Variants in PTPRD observed in about 807,000 individuals in gnomAD.
The protein encoded by PTPRD is receptor-type tyrosine-protein phosphatase delta.
PTPRD carries 34 observed loss-of-function variants against 214.5 expected under a neutral mutation model. The ratio of observed to expected loss-of-function variants is 0.16; its 90% CI spans 0.12 to 0.21. The LOEUF (loss-of-function observed/expected upper bound fraction) is 0.21. Among genes scored for constraint, PTPRD ranks in the 10% least tolerant of loss-of-function variants. The pLI is 1.00. For missense variants in PTPRD, 2,545 were observed against 2,398.7 expected, an observed-to-expected ratio of 1.06 and a Z score of -1.27; for synonymous variants, 1,128 against 845.7, an observed-to-expected ratio of 1.33 and a Z score of -5.79.
chr9:10,197,838 G>C (rs1169482281), intron 3 of PTPRD, among the ~76,000 whole-genome samples: 1 of 152,064 alleles, frequency 6.6e-6, no homozygotes, highest in African/African-American at 2.4e-5. Flanking sequence ...AGAGAAGTAA[G>C]TAGAGCAAGA....
At chr9:9,775,100 C>T (rs867417437) in intron 5 of PTPRD, among the ~76,000 whole-genome samples, 4 of 152,142 alleles carry the variant, frequency 2.6e-5, no homozygotes, top group Non-Finnish European at 4.4e-5. Context: ...GTCGAATGCT[C>T]CATTATCATC....
At chr9:9,015,920 T>G (rs1349158033) in intron 11 of PTPRD, among the ~76,000 whole-genome samples, 1 of 152,100 alleles carries the variant, frequency 6.6e-6, no homozygotes, top group African/African-American at 2.4e-5. Flanking sequence ...AGGTGAGGAA[T>G]GCCAATAAGT....
At chr9:9,829,251 T>G (rs555836713) in intron 5 of PTPRD, among the ~76,000 whole-genome samples, 2 of 152,002 alleles carry the variant, frequency 1.3e-5, no homozygotes, top group South Asian at 4.1e-4. Flanking sequence ...TACAGTGATG[T>G]TCGTCTTCTG....
At chr9:10,103,395 T>TATATATATATATATA (rs34926923) in intron 3 of PTPRD, among the ~76,000 whole-genome samples, 1,298 of 116,572 alleles carry the variant, frequency 0.011, 102 homozygotes, top group African/African-American at 0.03. Flanking sequence ...ATATATATAT[T>TATATATATATATATA]TATTTAAGAG....
At chr9:8,367,158 G>C (rs1035993428) in intron 39 of PTPRD, among the ~76,000 whole-genome samples, 1 of 152,116 alleles carries the variant, frequency 6.6e-6, no homozygotes, top group African/African-American at 2.4e-5. Context: ...GCTTTAAAAG[G>C]TTATAATTAA....
At chr9:9,078,858 T>C (rs1171245731) in intron 10 of PTPRD, among the ~76,000 whole-genome samples, 2 of 152,058 alleles carry the variant, frequency 1.3e-5, no homozygotes, top group Admixed American at 6.6e-5. Flanking sequence ...TAACTGTACA[T>C]ATTTATAAAG....
chr9:9,519,872 C>T (rs1278504170), intron 8 of PTPRD, among the ~76,000 whole-genome samples: 1 of 151,968 alleles, frequency 6.6e-6, no homozygotes, highest in African/African-American at 2.4e-5. Context: ...TATGAGGAAA[C>T]AGAAAGGGCT....
At chr9:9,376,100 T>C (rs775253719) in intron 9 of PTPRD, among the ~76,000 whole-genome samples, 17 of 152,170 alleles carry the variant, frequency 1.1e-4, no homozygotes, top group Non-Finnish European at 1.9e-4. Flanking sequence ...GATCTTAACA[T>C]TCTACTATAC....
chr9:9,442,281 G>A (rs745504263), intron 8 of PTPRD: 4 of 152,236 alleles, frequency 2.6e-5, no homozygotes, highest in African/African-American at 9.6e-5. Context: ...CAAAACTCCC[G>A]TGCTGATCAG....
chr9:8,595,244 C>G lies in PTPRD; in HGVS notation c.352+38073G>C, dbSNP rs186016852. 1.2e-3 allele frequency among the ~76,000 whole-genome samples: 175 copies of G among 150,890 alleles called. 2 individuals carry two copies. The highest frequency in any genetic ancestry group is 3.9e-3 in the African/African-American group (160 of 40,962). ...AAATGTGTGAAAAGATTGCAGACAACCAAACTATGGCAGAAGAGTTTGATC... is the reference window on the plus strand; with the variant it reads ...AAATGTGTGAAAAGATTGCAGACAAGCAAACTATGGCAGAAGAGTTTGATC... On this transcript the variant is annotated intron_variant, in intron 14 of 45. Coordinates refer to ENST00000381196, the MANE Select transcript of PTPRD (RefSeq NM_002839.4).
chr9:9,733,908 A>T (rs1302105941), intron 7 of PTPRD, among the ~76,000 whole-genome samples: 3 of 152,204 alleles, frequency 2.0e-5, no homozygotes, highest in Non-Finnish European at 4.4e-5. Context: ...GGTGGATTCA[A>T]ACATGAATAC....
intron 35 of PTPRD, among the ~76,000 whole-genome samples, chr9:8,425,122 T>C (rs2381796): frequency 0.22 from 33,892 of 152,148 alleles, 4,486 homozygotes; most frequent in East Asian, 0.54. Context: ...GCCACTACCA[T>C]TTTATAATTT....
At chr9:8,550,006 T>C (rs183476806) in intron 14 of PTPRD, among the ~76,000 whole-genome samples, 4 of 152,238 alleles carry the variant, frequency 2.6e-5, no homozygotes, top group Non-Finnish European at 4.4e-5. Flanking sequence ...CAAACATCAC[T>C]GATTAACTTG....
intron 35 of PTPRD, among the ~76,000 whole-genome samples, chr9:8,422,997 T>C (rs904819845): frequency 4.6e-5 from 7 of 152,162 alleles, no homozygotes; most frequent in African/African-American, 7.2e-5. Flanking sequence ...TCCTGAGTTG[T>C]AGAACGGCAA....
chr9:9,415,971 A>C (rs1174866863), intron 8 of PTPRD, among the ~76,000 whole-genome samples: 1 of 152,172 alleles, frequency 6.6e-6, no homozygotes, highest in Non-Finnish European at 1.5e-5. Context: ...AGTAATGTCT[A>C]AGTTTATTTA....
intron 10 of PTPRD, among the ~76,000 whole-genome samples, chr9:9,019,972 G>C (rs534355735): frequency 1.3e-5 from 2 of 152,028 alleles, no homozygotes; most frequent in African/African-American, 4.8e-5. Context: ...TAATTCATTT[G>C]TGTAAATTCC....
chr9:9,142,261 T>C (rs1450317988), intron 10 of PTPRD, among the ~76,000 whole-genome samples: 1 of 152,126 alleles, frequency 6.6e-6, no homozygotes, highest in East Asian at 1.9e-4. Flanking sequence ...CTCTGATGCC[T>C]CCCTCCTGAG....
At chr9:8,933,445 T>G (rs1588328615) in intron 11 of PTPRD, among the ~76,000 whole-genome samples, 1 of 151,110 alleles carries the variant, frequency 6.6e-6, no homozygotes, top group South Asian at 2.1e-4. Context: ...TCTGAATGAT[T>G]TTAAAGGGAT....
intron 6 of PTPRD, among the ~76,000 whole-genome samples, chr9:9,747,323 G>A (rs1032615342): frequency 1.2e-4 from 18 of 152,026 alleles, no homozygotes; most frequent in African/African-American, 4.3e-4. Flanking sequence ...AAGAAAACAT[G>A]TTGCACAGGT....
Sources: gnomAD v4.1 joint callset for allele counts (sites outside exome capture counted in the v4.1 genomes callset) on GRCh38, gnomAD v4.1.1 for gene constraint, MANE v1.5 for transcripts, NCBI Gene and HGNC (gene_info 2026-07-23, HGNC 2026-07-21) for gene names.